The following C16orf87 variants were observed in gnomAD, a reference collection of about 807,000 sequenced individuals.
C16orf87 encodes HDAC and MIER1 interacting protein 1, also known as UPF0547 protein C16orf87.
In C16orf87, 13 loss-of-function variants were observed where a neutral mutation model predicts 21.0. That is an observed-to-expected ratio of 0.62 (90% CI 0.40 to 0.98). The LOEUF (loss-of-function observed/expected upper bound fraction) is 0.98, where lower values mean the gene tolerates loss of function less well. Among genes scored for constraint, C16orf87 ranks in the 50% least tolerant of loss-of-function variants. C16orf87 has a pLI of 0.00. For missense variants in C16orf87, 113 were observed against 180.4 expected, an observed-to-expected ratio of 0.63 and a Z score of 2.14; for synonymous variants, 49 against 60.2, an observed-to-expected ratio of 0.81 and a Z score of 0.86.
At chr16:46,820,736 T>C (rs1959384272) in intron 2 of C16orf87, among the ~76,000 whole-genome samples, 1 of 152,226 alleles carries the variant, frequency 6.6e-6, no homozygotes, top group African/African-American at 2.4e-5. Context: ...CTCTGCATTC[T>C]AGGTTATGTG....
chr16:46,809,431 T>C (rs995768515), intron 3 of C16orf87, among the ~76,000 whole-genome samples, 172 bp downstream of exon 3: 8 of 152,194 alleles, frequency 5.3e-5, no homozygotes, highest in African/African-American at 1.9e-4. Flanking sequence ...ATTAAATTCC[T>C]GTGATTAAAA....
chr16:46,830,044 G>A (rs1567319866), intron 1 of C16orf87, among the ~76,000 whole-genome samples: 1 of 151,974 alleles, frequency 6.6e-6, no homozygotes, highest in Non-Finnish European at 1.5e-5. Flanking sequence ...TAACAAACGA[G>A]GGCCTTACGA....
At chr16:46,808,973 A>G (rs1317139498) in intron 3 of C16orf87, among the ~76,000 whole-genome samples, 1 of 151,044 alleles carries the variant, frequency 6.6e-6, no homozygotes, top group East Asian at 1.9e-4. Flanking sequence ...TCACAGTATA[A>G]TAGTTTGAAG....
chr16:46,820,138 T>C (rs1959358274), intron 2 of C16orf87, among the ~76,000 whole-genome samples: 1 of 152,236 alleles, frequency 6.6e-6, no homozygotes, highest in Non-Finnish European at 1.5e-5. Flanking sequence ...AAAACATGAC[T>C]TTTAAACAAT....
chr16:46,829,470 T>C (rs1959761573), intron 1 of C16orf87, among the ~76,000 whole-genome samples: 1 of 152,216 alleles, frequency 6.6e-6, no homozygotes, highest in Non-Finnish European at 1.5e-5. Context: ...AAGGTTGCTT[T>C]ATGCCAATTA....
chr16:46,812,126 C>T (rs1218611013), intron 2 of C16orf87, among the ~76,000 whole-genome samples: 1 of 152,086 alleles, frequency 6.6e-6, no homozygotes, highest in Non-Finnish European at 1.5e-5. Context: ...CGCCTGTAGT[C>T]CCAACTACTC....
Position 46,805,473 on chromosome 16 carries a change from T to C in C16orf87, c.347-2403A>G, listed in dbSNP as rs1185578646. 3.3e-4 allele frequency among the ~76,000 whole-genome samples: 50 copies of C among 152,210 alleles called. 1 individual carries two copies. The highest frequency in any genetic ancestry group is 3.2e-3 in the Admixed American group (49 of 15,282). On this transcript the variant is annotated intron_variant, in intron 3 of 3. Transcript: ENST00000285697. The stretch of plus-strand genomic sequence containing the variant: ...GACCTCTGCAATTTCCTTTTAAATA[T>C]CACCTTGTTCATTTTACAATTACAA...
At chr16:46,822,388 C>T (rs1334404800) in intron 2 of C16orf87, among the ~76,000 whole-genome samples, 1 of 152,200 alleles carries the variant, frequency 6.6e-6, no homozygotes, top group Non-Finnish European at 1.5e-5. Context: ...TGACACGCCA[C>T]CCCAAAATAG....
At chr16:46,809,887 G>T in intron 2 of C16orf87, 102 bp from the exon 3 acceptor site, 1 of 674,624 alleles carries the variant, frequency 1.5e-6, no homozygotes, top group Non-Finnish European at 2.5e-6. Context: ...ACTAGAGTAT[G>T]CTTCCTGGCA....
chr16:46,806,289 C>T (rs1364924007), intron 3 of C16orf87, among the ~76,000 whole-genome samples: 1 of 142,086 alleles, frequency 7.0e-6, no homozygotes, highest in Admixed American at 7.3e-5. Context: ...GACGGAGTCT[C>T]GCTCTGTCTC....
At chr16:46,809,843 G>A in intron 2 of C16orf87, 58 bp from the exon 3 acceptor site, 1 of 1,062,358 alleles carries the variant, frequency 9.4e-7, no homozygotes. Flanking sequence ...GTTTGCCCAA[G>A]TTCTCATTGT....
intron 1 of C16orf87, among the ~76,000 whole-genome samples, chr16:46,825,576 T>C (rs962188928): frequency 1.3e-5 from 2 of 152,158 alleles, no homozygotes; most frequent in African/African-American, 4.8e-5. Context: ...TTACAAACAA[T>C]CTATACTCTT....
chr16:46,806,255 ATTTTTTTTTTT>A (rs765265445), intron 3 of C16orf87, among the ~76,000 whole-genome samples: 1 of 125,792 alleles, frequency 7.9e-6, no homozygotes, highest in Non-Finnish European at 1.7e-5. Flanking sequence ...GTCTACATTC[ATTTTTTTTTTT>A]TTTTTTTTTT....
chr16:46,816,149 T>C (rs1465240081), intron 2 of C16orf87, among the ~76,000 whole-genome samples: 1 of 152,226 alleles, frequency 6.6e-6, no homozygotes, highest in Non-Finnish European at 1.5e-5. Flanking sequence ...ACAAATATTG[T>C]ATGATTCCAC....
intron 2 of C16orf87, among the ~76,000 whole-genome samples, chr16:46,811,937 A>C (rs1254148688): frequency 1.3e-5 from 2 of 152,122 alleles, no homozygotes; most frequent in African/African-American, 4.8e-5. Flanking sequence ...TGGGTGACAA[A>C]GCGACACCCT....
chr16:46,809,574 G>T, intron 3 of C16orf87, 29 bp downstream of exon 3: 2 of 1,496,684 alleles, frequency 1.3e-6, no homozygotes, highest in South Asian at 1.2e-5. Flanking sequence ...TTTAATACTT[G>T]AAAAAAAAAC....
chr16:46,813,506 C>T (rs1043712997), intron 2 of C16orf87, among the ~76,000 whole-genome samples: 7 of 150,942 alleles, frequency 4.6e-5, no homozygotes, highest in Admixed American at 3.3e-4. Flanking sequence ...AATCAAACTG[C>T]ATAGCTTCCC....
In C16orf87 at chr16:46,797,670, A is replaced by G. The variant is rs1469868487; in HGVS notation, c.*5282T>C. Reference sequence around the variant, plus strand: ...AAGTCTTATGATTTATAAGAAAATTATAACATAAAGGGGAGAGGGTAAAGG... The same window carrying G: ...AAGTCTTATGATTTATAAGAAAATTGTAACATAAAGGGGAGAGGGTAAAGG... On this transcript the variant is annotated 3_prime_UTR_variant, in exon 4 of 4. Transcript: ENST00000285697. 3 of 152,212 alleles carry G rather than the reference A, an allele frequency of 2.0e-5. No homozygotes were observed. The highest frequency in any genetic ancestry group is 2.0e-4 in the Admixed American group (3 of 15,276). The allele number at this position is 152,212 out of a possible 1,614,324, so 9.4% of individuals were successfully genotyped here.
At chr16:46,829,787 A>T (rs1442680737) in intron 1 of C16orf87, among the ~76,000 whole-genome samples, 2 of 152,294 alleles carry the variant, frequency 1.3e-5, no homozygotes, top group East Asian at 3.9e-4. Context: ...CATTTTTACT[A>T]CAGCCCATAA....
Sources: gnomAD v4.1 joint callset for allele counts (sites outside exome capture counted in the v4.1 genomes callset) on GRCh38, gnomAD v4.1.1 for gene constraint, MANE v1.5 for transcripts, NCBI Gene and HGNC (gene_info 2026-07-23, HGNC 2026-07-21) for gene names.